Variants in ESRP1 observed in about 807,000 individuals in gnomAD.
ESRP1 encodes the protein epithelial splicing regulatory protein 1.
ESRP1 carries 33 observed loss-of-function variants against 81.7 expected under a neutral mutation model. The ratio of observed to expected loss-of-function variants is 0.40; its 90% CI spans 0.31 to 0.54. The LOEUF is 0.54. ESRP1 is among the 20% of genes least tolerant of loss of function. ESRP1 has a pLI of 0.41. For missense variants in ESRP1, 672 were observed against 833.1 expected (o/e 0.81, Z 2.38); for synonymous variants, 320 against 303.3 (o/e 1.06, Z -0.57).
intron 10 of ESRP1, among the ~76,000 whole-genome samples, chr8:94,669,446 T>C (rs1400939449): frequency 6.6e-6 from 1 of 152,222 alleles, no homozygotes; most frequent in Non-Finnish European, 1.5e-5. Flanking sequence ...TAAGAACCTT[T>C]TTACCTACTA....
intron 1 of ESRP1, 72 bp from the exon 2 acceptor site, chr8:94,641,884 A>G: frequency 1.3e-6 from 2 of 1,580,334 alleles, no homozygotes; most frequent in South Asian, 1.1e-5. Flanking sequence ...CCAGCAGGGG[A>G]GCGAGGGAGG....
chr8:94,642,513 A>C (rs1817663414), intron 2 of ESRP1, among the ~76,000 whole-genome samples: 1 of 152,114 alleles, frequency 6.6e-6, no homozygotes, highest in African/African-American at 2.4e-5. Flanking sequence ...GCGGGTGTGC[A>C]AGAAGTAGCA....
At chr8:94,664,643 G>A (rs1305475530) in intron 6 of ESRP1, 54 bp from the exon 7 acceptor site, 3 of 1,284,978 alleles carry the variant, frequency 2.3e-6, no homozygotes, top group East Asian at 4.6e-5. Flanking sequence ...GGGGTAATAG[G>A]TGTCTGACTT....
chr8:94,696,741 C>A, intron 14 of ESRP1, 111 bp from the exon 15 acceptor site: 1 of 763,292 alleles, frequency 1.3e-6, no homozygotes, highest in Non-Finnish European at 2.1e-6. Flanking sequence ...TGTTTGTTTC[C>A]TCCTATCTAA....
chr8:94,657,558 C>T (rs1289159760), intron 4 of ESRP1, among the ~76,000 whole-genome samples: 1 of 151,328 alleles, frequency 6.6e-6, no homozygotes, highest in Non-Finnish European at 1.5e-5. Context: ...AGTTGTTACA[C>T]AGCTCAGCAC....
intron 2 of ESRP1, among the ~76,000 whole-genome samples, chr8:94,642,839 TTATAGGAGAAAGC>T (rs996193658): frequency 6.6e-6 from 1 of 152,116 alleles, no homozygotes; most frequent in African/African-American, 2.4e-5. Flanking sequence ...GAGCTTCGAG[TTATAGGAGAAAGC>T]TATCCTTCCT....
chr8:94,656,326 C>G (rs1414990321), intron 4 of ESRP1: 1 of 152,274 alleles, frequency 6.6e-6, no homozygotes, highest in Non-Finnish European at 1.5e-5. Context: ...TCAAGCCATT[C>G]TCCTGCCTCA....
chr8:94,653,384 T>G (rs1330970937), intron 4 of ESRP1, among the ~76,000 whole-genome samples: 1 of 152,192 alleles, frequency 6.6e-6, no homozygotes, highest in African/African-American at 2.4e-5. Flanking sequence ...ATTCCCCATC[T>G]TAAAATGGGT....
chr8:94,678,977 T>C lies in ESRP1; in HGVS notation c.1820+606T>C, dbSNP rs139955924. Among the ~76,000 whole-genome samples the C allele has an allele frequency of 6.9e-3, 1,045 of 152,338 alleles. 14 individuals are homozygous for C. The highest frequency in any genetic ancestry group is 8.5e-3 in the Non-Finnish European group (578 of 68,028). ...TCAGTCTGGGAGTTGGGAGACTGAA[T>C]GTTAGTTTCTTTCCAAGCTATTTAG... On this transcript the variant is annotated intron_variant, in intron 13 of 15. Transcript: ENST00000433389.
intron 13 of ESRP1, among the ~76,000 whole-genome samples, chr8:94,689,149 G>A (rs1370172374): frequency 2.6e-5 from 4 of 151,124 alleles, no homozygotes; most frequent in Non-Finnish European, 5.9e-5. Context: ...TACTTGGGAG[G>A]CTGAGGCACG....
At chr8:94,698,452 G>A (rs1039809023) in intron 15 of ESRP1, among the ~76,000 whole-genome samples, 1 of 152,244 alleles carries the variant, frequency 6.6e-6, no homozygotes, top group East Asian at 1.9e-4. Context: ...TGATTGGAAA[G>A]TTTTTGTTGC....
At chr8:94,659,283 C>T (rs757559495) in intron 4 of ESRP1, among the ~76,000 whole-genome samples, 1 of 152,214 alleles carries the variant, frequency 6.6e-6, no homozygotes, top group African/African-American at 2.4e-5. Flanking sequence ...GCTCACTTGT[C>T]TCTCTGTCAC....
intron 13 of ESRP1, among the ~76,000 whole-genome samples, chr8:94,684,647 T>C (rs1267153817): frequency 6.6e-6 from 1 of 152,196 alleles, no homozygotes; most frequent in Non-Finnish European, 1.5e-5. Context: ...TTCTCAAAAA[T>C]GTGAAACAAT....
chr8:94,672,656 C>T (rs567509177), intron 11 of ESRP1, among the ~76,000 whole-genome samples: 1 of 152,186 alleles, frequency 6.6e-6, no homozygotes, highest in East Asian at 1.9e-4. Context: ...CCTCAGCTTC[C>T]CGAGTAGCTG....
intron 4 of ESRP1, among the ~76,000 whole-genome samples, chr8:94,655,065 T>TTTTG (rs545869490): frequency 0.27 from 40,168 of 147,478 alleles, 6,546 homozygotes; most frequent in East Asian, 0.45. Flanking sequence ...TTTGGGTTTT[T>TTTTG]TGTGTGTGTG....
At chr8:94,702,765 G>A (rs536401861) in intron 15 of ESRP1, among the ~76,000 whole-genome samples, 5 of 152,196 alleles carry the variant, frequency 3.3e-5, no homozygotes, top group Admixed American at 6.5e-5. Flanking sequence ...TTATAGGTGT[G>A]AGCCGCCACG....
At chr8:94,644,550 T>C (rs1421485905) in intron 3 of ESRP1, among the ~76,000 whole-genome samples, 1 of 152,198 alleles carries the variant, frequency 6.6e-6, no homozygotes, top group Non-Finnish European at 1.5e-5. Flanking sequence ...GACTAGTCGC[T>C]ACATCCTTAC....
intron 9 of ESRP1, among the ~76,000 whole-genome samples, chr8:94,667,217 C>CA (rs67664228): frequency 0.12 from 17,208 of 138,262 alleles, 1,095 homozygotes; most frequent in Non-Finnish European, 0.16. Context: ...AACTGTGTCT[C>CA]AAAAAAAAAA....
At chr8:94,646,310 C>A in intron 4 of ESRP1, 28 bp downstream of exon 4, 2 of 1,351,762 alleles carry the variant, frequency 1.5e-6, no homozygotes, top group Non-Finnish European at 2.1e-6. Flanking sequence ...ACTCAAGAAT[C>A]ATTTGAAAAG....
Sources: allele counts gnomAD v4.1 joint callset (sites outside exome capture counted in the v4.1 genomes callset), GRCh38; gene constraint gnomAD v4.1.1; transcripts MANE v1.5; gene names NCBI Gene and HGNC (gene_info 2026-07-23, HGNC 2026-07-21).